EMID1: variants seen among roughly 807,000 people sequenced by gnomAD.
EMID1 encodes EMI domain-containing protein 1.
EMID1 carries 40 observed loss-of-function variants against 60.6 expected under a neutral mutation model. The observed-to-expected ratio is 0.66, with a 90% confidence interval of 0.51 to 0.86. EMID1 has a LOEUF of 0.86. Ranked by LOEUF, EMID1 falls within the 40% of genes least tolerant of loss-of-function variation. The pLI, the probability that EMID1 is intolerant of heterozygous loss-of-function variation, is 0.00. For synonymous variants in EMID1, 242 were observed against 231.0 expected (o/e 1.05, Z -0.43); for missense variants, 585 against 597.1 (o/e 0.98, Z 0.21).
intron 14 of EMID1, among the ~76,000 whole-genome samples, chr22:29,257,993 G>A (rs1246545658): frequency 1.3e-5 from 2 of 152,168 alleles, no homozygotes; most frequent in African/African-American, 4.8e-5. Context: ...ACACAGGGTC[G>A]GGGCACTGGC....
At chr22:29,232,816 C>CCA in intron 8 of EMID1, 1 of 185,600 alleles carries the variant, frequency 5.4e-6, no homozygotes, top group Admixed American at 5.5e-5. Flanking sequence ...CAGGCCCTGA[C>CCA]GTGCGTCCTT....
intron 1 of EMID1, among the ~76,000 whole-genome samples, chr22:29,213,630 A>G (rs374010233): frequency 5.9e-5 from 9 of 152,072 alleles, no homozygotes; most frequent in African/African-American, 2.2e-4. Flanking sequence ...AGGCCGGGAC[A>G]TTCCAGGTGC....
At chr22:29,232,040 G>A in intron 7 of EMID1, 1 of 608,406 alleles carries the variant, frequency 1.6e-6, no homozygotes. Context: ...GGTTTTGGGG[G>A]TTTGGGAGCC....
chr22:29,221,120 TGTGTAG>T (rs1412684447), intron 3 of EMID1, among the ~76,000 whole-genome samples: 2 of 77,754 alleles, frequency 2.6e-5, no homozygotes, highest in African/African-American at 8.6e-5. Context: ...TGTGTGTGTG[TGTGTAG>T]GGCACGTGAG....
At chr22:29,244,647 A>AG (rs1251592877) in intron 13 of EMID1, among the ~76,000 whole-genome samples, 3 of 151,146 alleles carry the variant, frequency 2.0e-5, no homozygotes, top group Admixed American at 1.3e-4. Flanking sequence ...TCAAAAAAAA[A>AG]AAAAGAAAAG....
chr22:29,234,001 C>T (rs887608592), intron 10 of EMID1, 136 bp from the exon 11 acceptor site: 22 of 910,910 alleles, frequency 2.4e-5, no homozygotes, highest in South Asian at 1.0e-4. Flanking sequence ...GAACTGACTG[C>T]GGTGTGCTGG....
chr22:29,230,692 C>T (rs2040706596), intron 5 of EMID1, among the ~76,000 whole-genome samples: 1 of 152,164 alleles, frequency 6.6e-6, no homozygotes, highest in African/African-American at 2.4e-5. Context: ...TGGCTCATGC[C>T]TGTAATCCCA....
chr22:29,216,326 C>A (rs2040081528), intron 3 of EMID1: 3 of 985,326 alleles, frequency 3.0e-6, no homozygotes, highest in Non-Finnish European at 3.6e-6. Flanking sequence ...CCTCCAGGCA[C>A]CTGCCCCTCT....
At chr22:29,253,582 C>A (rs2041600546) in intron 13 of EMID1, among the ~76,000 whole-genome samples, 1 of 150,714 alleles carries the variant, frequency 6.6e-6, no homozygotes, top group Non-Finnish European at 1.5e-5. Context: ...AACTTCGTCT[C>A]AAAAAAAAAT....
intron 4 of EMID1, among the ~76,000 whole-genome samples, chr22:29,225,442 C>T (rs2040467963): frequency 1.3e-5 from 2 of 152,236 alleles, no homozygotes; most frequent in South Asian, 4.1e-4. Flanking sequence ...CCCTGAGACC[C>T]ATGACCCCTG....
intron 1 of EMID1, among the ~76,000 whole-genome samples, chr22:29,214,201 C>T (rs548483920): frequency 5.9e-5 from 9 of 152,090 alleles, no homozygotes; most frequent in Admixed American, 1.3e-4. Context: ...TGCATGCTGG[C>T]GGAGGGGGCA....
At chr22:29,209,149 G>C (rs1261035615) in intron 1 of EMID1, among the ~76,000 whole-genome samples, 1 of 152,218 alleles carries the variant, frequency 6.6e-6, no homozygotes, top group African/African-American at 2.4e-5. Flanking sequence ...CCCTATCACT[G>C]TTCCGGATCG....
intron 14 of EMID1, among the ~76,000 whole-genome samples, chr22:29,256,665 G>A (rs952360100): frequency 3.3e-5 from 5 of 152,052 alleles, no homozygotes; most frequent in Admixed American, 6.6e-5. Context: ...TCGTATCTAC[G>A]GAGATATGGG....
chr22:29,230,694 G>A (rs1423949177), intron 5 of EMID1, among the ~76,000 whole-genome samples: 6 of 152,144 alleles, frequency 3.9e-5, no homozygotes, highest in Non-Finnish European at 7.3e-5. Context: ...GCTCATGCCT[G>A]TAATCCCAAC....
rs775053953 is a variant in EMID1 at position 29,258,924 on chromosome 22, A to G, written c.1312A>G (p.Ser438Gly). 4.3e-6 allele frequency: 7 copies of G among 1,612,824 alleles called. No individual in the cohort carries two copies. The highest frequency in any genetic ancestry group is 5.9e-6 in the Non-Finnish European group (7 of 1,179,460). Residue 438 changes from serine (S) to glycine (G), a missense_variant, in exon 15 of 15, where the codon AGC becomes GGC. Coordinates refer to ENST00000334018, the MANE Select transcript of EMID1 (RefSeq NM_133455.4). ...CAACTACCGGATCGTGGCCCCCAGG[A>G]GCCGGGACGAGAGAGGCTGAGGGTG... ...ATNYRIVAPR[S>G]RDERG
At chr22:29,233,790 A>G (rs559442420) in intron 10 of EMID1, 124 bp downstream of exon 10, 2 of 932,332 alleles carry the variant, frequency 2.1e-6, no homozygotes, top group East Asian at 2.6e-5. Context: ...TCATCCTTCC[A>G]TTCATTCATT....
chr22:29,213,512 T>G (rs2039971482), intron 1 of EMID1, among the ~76,000 whole-genome samples: 1 of 151,968 alleles, frequency 6.6e-6, no homozygotes, highest in Non-Finnish European at 1.5e-5. Context: ...CTAAATTGAG[T>G]TAGTTGCCTG....
At chr22:29,221,751 G>A (rs924900582) in intron 3 of EMID1, among the ~76,000 whole-genome samples, 4 of 152,166 alleles carry the variant, frequency 2.6e-5, no homozygotes, top group Admixed American at 2.0e-4. Flanking sequence ...GTGTGCTACA[G>A]GGTCGTTTTA....
intron 3 of EMID1, chr22:29,216,269 C>T (rs2040079618): frequency 4.1e-6 from 4 of 981,698 alleles, no homozygotes; most frequent in South Asian, 4.7e-5. Flanking sequence ...GCAGCCTGGG[C>T]CTCCCAGGAG....
Sources: gnomAD v4.1 joint callset for allele counts (sites outside exome capture counted in the v4.1 genomes callset) on GRCh38, gnomAD v4.1.1 for gene constraint, MANE v1.5 for transcripts, NCBI Gene and HGNC (gene_info 2026-07-23, HGNC 2026-07-21) for gene names.